Variants in MCU observed in about 807,000 individuals in gnomAD.
MCU encodes the protein mitochondrial calcium uniporter.
In MCU, 12 loss-of-function variants were observed where a neutral mutation model predicts 45.2. That is an observed-to-expected ratio of 0.27 (90% CI 0.17 to 0.43). The LOEUF (loss-of-function observed/expected upper bound fraction) is 0.43, where lower values mean the gene tolerates loss of function less well. Ranked by LOEUF, MCU falls within the 20% of genes least tolerant of loss-of-function variation. MCU has a pLI of 1.00. For missense variants in MCU, 324 were observed against 436.7 expected (o/e 0.74, Z 2.30); for synonymous variants, 160 against 165.1 (o/e 0.97, Z 0.24).
At chr10:72,859,753 T>C (rs567817274) in intron 3 of MCU, among the ~76,000 whole-genome samples, 113 of 152,346 alleles carry the variant, frequency 7.4e-4, no homozygotes, top group Middle Eastern at 3.4e-3. Flanking sequence ...TTGAAAAGAA[T>C]ATAAACTAAG....
chr10:72,886,241 A>G lies in MCU; in HGVS notation c.*419A>G, dbSNP rs929521265. ...TTTTGACATAGGAGTAAATAAATAT[A>G]CTAGAAAAGCAAATTCTCATGATAT... On this transcript the variant is annotated 3_prime_UTR_variant, in exon 8 of 8. Coordinates refer to ENST00000373053, the MANE Select transcript of MCU (RefSeq NM_138357.3). The G allele has an allele frequency of 6.5e-6, 1 of 154,918 alleles. No individual in the cohort carries two copies. The highest frequency in any genetic ancestry group is 1.9e-4 in the East Asian group (1 of 5,398). 9.6% of individuals were successfully genotyped at this position (154,918 alleles called of 1,614,324 possible).
intron 1 of MCU, chr10:72,730,935 G>A (rs1037153142): frequency 6.6e-6 from 1 of 152,184 alleles, no homozygotes; most frequent in African/African-American, 2.4e-5. Flanking sequence ...ATCAGCTTAA[G>A]CCAGTCGGTT....
intron 1 of MCU, among the ~76,000 whole-genome samples, chr10:72,735,804 C>A (rs1199138076): frequency 6.6e-6 from 1 of 152,008 alleles, no homozygotes; most frequent in African/African-American, 2.4e-5. Flanking sequence ...GGAGAAGGTG[C>A]CTAATTATAT....
intron 6 of MCU, among the ~76,000 whole-genome samples, chr10:72,878,009 G>A (rs1018338691): frequency 2.0e-5 from 3 of 151,844 alleles, no homozygotes; most frequent in Non-Finnish European, 4.4e-5. Context: ...GGTAATCCCC[G>A]AGTGCTGATG....
intron 4 of MCU, among the ~76,000 whole-genome samples, chr10:72,867,634 A>G (rs1845476947): frequency 6.6e-6 from 1 of 152,126 alleles, no homozygotes; most frequent in Non-Finnish European, 1.5e-5. Flanking sequence ...CAGGTAGATC[A>G]CGAGGTCAGG....
In MCU at chr10:72,806,957, A is replaced by G. The variant is rs143621462; in HGVS notation, c.151-27402A>G. Among the ~76,000 whole-genome samples the G allele has an allele frequency of 6.0e-3, 907 of 152,374 alleles. 12 individuals are homozygous for G. The highest frequency in any genetic ancestry group is 0.021 in the African/African-American group (855 of 41,592). On this transcript the variant is annotated intron_variant, in intron 1 of 7. Coordinates refer to ENST00000373053, the MANE Select transcript of MCU (RefSeq NM_138357.3). ...CATAAGGATTGAGGATGTCAGAGTT[A>G]CAAAATAAGGTTGGGAGAGGCATAC...
intron 1 of MCU, among the ~76,000 whole-genome samples, chr10:72,738,585 T>C (rs1843282482): frequency 6.6e-6 from 1 of 152,240 alleles, no homozygotes; most frequent in African/African-American, 2.4e-5. Context: ...TTAAGGTTTA[T>C]AAATAACAAA....
rs540897452 is a variant in MCU, at chr10:72,778,852, C to T, written c.151-55507C>T. 1.7e-4 allele frequency among the ~76,000 whole-genome samples: 26 copies of T among 149,598 alleles called. No homozygotes were observed. The East Asian group carries it at 4.3e-3, about 25-fold the overall frequency. The stretch of plus-strand genomic sequence containing the variant: ...CAGTATATGATAAATACTGGAAAAC[C>T]GAAAAAAAAAATTTCAGTGGGGAAA... On this transcript the variant is annotated intron_variant, in intron 1 of 7. Coordinates refer to ENST00000373053, the MANE Select transcript of MCU (RefSeq NM_138357.3).
chr10:72,834,377 T>C lies in MCU; in HGVS notation c.169T>C (p.Ser57Pro). ...HHRTVHQRIA[S>P]WQNLGAVYCS... is the part of the protein sequence containing the mutation. ...TTTCTAGGTACACCAGAGGATCGCTTCCTGGCAGAATTTGGGAGCTGTTTA... is the reference window on the plus strand; with the variant it reads ...TTTCTAGGTACACCAGAGGATCGCTCCCTGGCAGAATTTGGGAGCTGTTTA... Residue 57 changes from serine to proline, a missense_variant, in exon 2 of 8, where the codon TCC (serine) becomes CCC (proline). Transcript: ENST00000373053. The C allele has an allele frequency of 6.2e-7, 1 of 1,613,918 alleles. No individual in the cohort carries two copies. Among genetic ancestry groups the C allele is most frequent in the African/African-American group, 1.3e-5 (1 of 75,042 alleles).
intron 1 of MCU, among the ~76,000 whole-genome samples, chr10:72,726,256 CGT>C (rs60826955): frequency 0.024 from 3,529 of 145,560 alleles, 45 homozygotes; most frequent in African/African-American, 0.035. Flanking sequence ...CACACACACA[CGT>C]GTGTGTGTGT....
chr10:72,700,523 G>C (rs1177064951), intron 1 of MCU, among the ~76,000 whole-genome samples: 4 of 152,206 alleles, frequency 2.6e-5, no homozygotes, highest in African/African-American at 9.7e-5. Flanking sequence ...CTTGCAGTTA[G>C]CTTGTGTAAA....
intron 6 of MCU, among the ~76,000 whole-genome samples, chr10:72,873,207 A>C (rs901510495): frequency 6.6e-6 from 1 of 151,006 alleles, no homozygotes; most frequent in Non-Finnish European, 1.5e-5. Context: ...TTTAGTAGAG[A>C]CGGGGTTTCA....
intron 1 of MCU, among the ~76,000 whole-genome samples, chr10:72,785,985 TGAG>T (rs1339022069): frequency 6.6e-6 from 1 of 152,188 alleles, no homozygotes; most frequent in Non-Finnish European, 1.5e-5. Flanking sequence ...CTTACCAATT[TGAG>T]GAGATGAAGA....
rs1304030413 is a variant in MCU, at chr10:72,751,764, A to G, written c.150+59463A>G. On this transcript the variant is annotated intron_variant, in intron 1 of 7. Coordinates refer to ENST00000373053, the MANE Select transcript of MCU (RefSeq NM_138357.3). ...GTCATTCCTTTGAGACATTGTTATT[A>G]ATCCCTCAGTGTCATTCATTCAGAT... Among the ~76,000 whole-genome samples the G allele has an allele frequency of 2.6e-5, 4 of 151,972 alleles. No individual in the cohort carries two copies. The East Asian group carries it at 5.8e-4, about 22-fold the overall frequency.
intron 2 of MCU, among the ~76,000 whole-genome samples, chr10:72,839,447 G>A (rs1845013010): frequency 6.6e-6 from 1 of 152,082 alleles, no homozygotes; most frequent in Admixed American, 6.5e-5. Context: ...TTCCAAAAAT[G>A]TCGTATAAAT....
chr10:72,745,296 T>G (rs1564544935), intron 1 of MCU, among the ~76,000 whole-genome samples: 1 of 152,196 alleles, frequency 6.6e-6, no homozygotes, highest in Non-Finnish European at 1.5e-5. Flanking sequence ...TGGCACGATC[T>G]CAGCTCACTG....
At chr10:72,752,523 A>T (rs1843517342) in intron 1 of MCU, among the ~76,000 whole-genome samples, 1 of 152,214 alleles carries the variant, frequency 6.6e-6, no homozygotes, top group African/African-American at 2.4e-5. Context: ...TGTATTGATA[A>T]ATGTGTGGCT....
chr10:72,794,795 G>A (rs1199396567), intron 1 of MCU, among the ~76,000 whole-genome samples: 1 of 152,032 alleles, frequency 6.6e-6, no homozygotes, highest in Non-Finnish European at 1.5e-5. Context: ...GTATCTGTGA[G>A]GCCTGCCCTT....
At chr10:72,743,412 CAAAAAAAA>C (rs374429962) in intron 1 of MCU, among the ~76,000 whole-genome samples, 4 of 74,426 alleles carry the variant, frequency 5.4e-5, no homozygotes, top group Non-Finnish European at 2.4e-5. Context: ...TACTCCATCT[CAAAAAAAA>C]AAAAAAAAAA....
Sources: allele counts gnomAD v4.1 joint callset (sites outside exome capture counted in the v4.1 genomes callset), GRCh38; gene constraint gnomAD v4.1.1; transcripts MANE v1.5; gene names NCBI Gene and HGNC (gene_info 2026-07-23, HGNC 2026-07-21).